ATRNL1: variants seen among roughly 807,000 people sequenced by gnomAD.
The protein encoded by ATRNL1 is attractin-like protein 1.
In ATRNL1, 95 loss-of-function variants were observed where a neutral mutation model predicts 182.7. That is an observed-to-expected ratio of 0.52 (90% CI 0.44 to 0.62). The LOEUF (loss-of-function observed/expected upper bound fraction) is 0.62, where lower values mean the gene tolerates loss of function less well. ATRNL1 is among the 20% of genes least tolerant of loss of function. ATRNL1 has a pLI of 0.00. For synonymous variants in ATRNL1, 576 were observed against 568.3 expected, an observed-to-expected ratio of 1.01 and a Z score of -0.19; for missense variants, 1,471 against 1,679.5, an observed-to-expected ratio of 0.88 and a Z score of 2.17.
intron 24 of ATRNL1, among the ~76,000 whole-genome samples, chr10:115,501,952 T>C (rs113862851): frequency 1.3e-5 from 2 of 152,126 alleles, no homozygotes; most frequent in Non-Finnish European, 2.9e-5. Flanking sequence ...TAGAGTTTTA[T>C]AGCTGATTAT....
intron 28 of ATRNL1, among the ~76,000 whole-genome samples, chr10:115,911,863 G>T (rs552653414): frequency 6.6e-6 from 1 of 152,226 alleles, no homozygotes. Context: ...CTTTTCCCAT[G>T]CACCATCCCG....
Position 115,093,838 on chromosome 10 carries a change from G to T in ATRNL1, c.88G>T (p.Gly30Trp). 1 of 1,526,010 alleles carries T rather than the reference G, an allele frequency of 6.6e-7. No individual in the cohort carries two copies. Among genetic ancestry groups the T allele is most frequent in the Non-Finnish European group, 8.8e-7 (1 of 1,140,482 alleles). 94.5% of individuals were successfully genotyped at this position (1,526,010 alleles called of 1,614,324 possible). ...WRARPAGGGG[G>W]GASSWLLDGN... The stretch of plus-strand genomic sequence containing the variant: ...GGCTCGGCCGGCGGGCGGCGGCGGC[G>T]GGGGCGCCTCCTCCTGGCTGCTGGA... Residue 30 changes from glycine (G) to tryptophan (W), a missense_variant, in exon 1 of 29, where the codon GGG becomes TGG. By Grantham distance (184) the Gly-to-Trp change is radical (BLOSUM62 -2). This residue lies in a region of ATRNL1 where 1,031 missense variants were observed against 1,156.0 expected (regional missense o/e 0.89). Transcript: ENST00000355044. The surrounding 1 kb of genome is among the most constrained non-coding windows in gnomAD (Gnocchi z 6.1).
At chr10:115,650,710 T>G (rs1345941562) in intron 26 of ATRNL1, among the ~76,000 whole-genome samples, 1 of 152,086 alleles carries the variant, frequency 6.6e-6, no homozygotes, top group African/African-American at 2.4e-5. Flanking sequence ...CCCATAAAAA[T>G]TAAATGGCAT....
chr10:115,185,685 G>C (rs1340439500), intron 8 of ATRNL1, among the ~76,000 whole-genome samples: 1 of 151,934 alleles, frequency 6.6e-6, no homozygotes, highest in Non-Finnish European at 1.5e-5. Context: ...TAAATCTGTG[G>C]GGGTGGGTAT....
chr10:115,417,447 C>T (rs1845444396), intron 20 of ATRNL1, among the ~76,000 whole-genome samples: 1 of 152,184 alleles, frequency 6.6e-6, no homozygotes, highest in Admixed American at 6.5e-5. Flanking sequence ...CCCAGGTTGT[C>T]ATCTCACAGC....
chr10:115,825,895 T>A (rs1216366958), intron 27 of ATRNL1, among the ~76,000 whole-genome samples: 1 of 152,200 alleles, frequency 6.6e-6, no homozygotes, highest in Non-Finnish European at 1.5e-5. Context: ...TCTTTCCCAC[T>A]TGAACTATTC....
chr10:115,812,636 C>A (rs1433606071), intron 27 of ATRNL1, among the ~76,000 whole-genome samples: 1 of 152,040 alleles, frequency 6.6e-6, no homozygotes, highest in Non-Finnish European at 1.5e-5. Context: ...ACCACCACAC[C>A]CAGCTAATTT....
chr10:115,769,546 T>C (rs1375220764), intron 27 of ATRNL1, among the ~76,000 whole-genome samples: 19 of 152,148 alleles, frequency 1.2e-4, no homozygotes, highest in Non-Finnish European at 1.0e-4. Flanking sequence ...TTTACCATGG[T>C]GCCTGGCACA....
At chr10:115,423,819 G>A (rs681011) in intron 20 of ATRNL1, among the ~76,000 whole-genome samples, 57,842 of 152,008 alleles carry the variant, frequency 0.38, 12,197 homozygotes, top group African/African-American at 0.57. Context: ...TGAGACTACT[G>A]GAAGAGAACA....
At position 115,739,555 on chromosome 10, in the gene ATRNL1, A is replaced by G. The variant is rs1948078615; in HGVS notation, c.3903+12200A>G. On this transcript the variant is annotated intron_variant, in intron 27 of 28. Coordinates refer to ENST00000355044, the MANE Select transcript of ATRNL1 (RefSeq NM_207303.4). ...TGCACCCAAGAACATTCCACAATCTATGAAACACAGTAGGGTAAATTTGAG... is the reference window on the plus strand; with the variant it reads ...TGCACCCAAGAACATTCCACAATCTGTGAAACACAGTAGGGTAAATTTGAG... 2.0e-5 allele frequency among the ~76,000 whole-genome samples: 3 copies of G among 152,218 alleles called. 1 individual carries two copies. The highest frequency in any genetic ancestry group is 4.1e-4 in the South Asian group (2 of 4,834).
At chr10:115,486,942 A>G (rs1849056056) in intron 24 of ATRNL1, among the ~76,000 whole-genome samples, 1 of 152,180 alleles carries the variant, frequency 6.6e-6, no homozygotes, top group Non-Finnish European at 1.5e-5. Flanking sequence ...ATCCAGTTTC[A>G]GCTTTCTGTA....
chr10:115,426,250 A>C lies in ATRNL1; in HGVS notation c.3270A>C (p.Leu1090Phe). ...TKGIKGDQCQ[L>F]CDSENRYVGN... ...TAAATGAGTTTTTGTGTTTCTGCAGATGTGACTCTGAAAATCGCTATGTTG... is the reference window on the plus strand; with the variant it reads ...TAAATGAGTTTTTGTGTTTCTGCAGCTGTGACTCTGAAAATCGCTATGTTG... The change falls in exon 21 of 29, where the codon TTA (leucine) becomes TTC (phenylalanine). Residue 1090 changes from leucine to phenylalanine, a missense_variant and splice_region_variant. By Grantham distance (22) the Leu-to-Phe change is conservative. Transcript: ENST00000355044. The C allele has an allele frequency of 6.2e-7, 1 of 1,612,338 alleles. No homozygotes were observed. Among genetic ancestry groups the C allele is most frequent in the Non-Finnish European group, 8.5e-7 (1 of 1,178,792 alleles).
At chr10:115,363,710 G>A (rs1856871122) in intron 19 of ATRNL1, among the ~76,000 whole-genome samples, 1 of 151,958 alleles carries the variant, frequency 6.6e-6, no homozygotes, top group Non-Finnish European at 1.5e-5. Flanking sequence ...GTGTAAGGAA[G>A]GGATCCAGTT....
chr10:115,870,722 G>T (rs939745176), intron 28 of ATRNL1, among the ~76,000 whole-genome samples: 1 of 152,132 alleles, frequency 6.6e-6, no homozygotes, highest in African/African-American at 2.4e-5. Context: ...CATTAAAATG[G>T]CTAAGAGCAT....
In ATRNL1 at chr10:115,315,611, A is replaced by G. The variant is rs1366343641; in HGVS notation, c.2912A>G (p.His971Arg). ...CNDPSNTGRGHCIEGSSRGPM... is the reference protein window; with the variant it reads ...CNDPSNTGRGRCIEGSSRGPM... ...GATCCTAGTAATACAGGAAGAGGACATTGCATTGAAGGTTCTTCACGGGGA... is the reference window on the plus strand; with the variant it reads ...GATCCTAGTAATACAGGAAGAGGACGTTGCATTGAAGGTTCTTCACGGGGA... Residue 971 changes from histidine to arginine, a missense_variant, in exon 18 of 29, where the codon CAT becomes CGT. His to Arg is a conservative substitution (Grantham distance 29). Transcript: ENST00000355044. 8 of 1,613,858 alleles carry G rather than the reference A, an allele frequency of 5.0e-6. No individual in the cohort carries two copies. In the African/African-American group the frequency reaches 5.3e-5, roughly 11 times the overall value.
intron 27 of ATRNL1, among the ~76,000 whole-genome samples, chr10:115,788,833 CTG>C (rs1240505812): frequency 2.0e-4 from 30 of 152,330 alleles, no homozygotes; most frequent in African/African-American, 6.0e-4. Flanking sequence ...GCCTTTCTAA[CTG>C]TGGCAAAGGG....
intron 24 of ATRNL1, among the ~76,000 whole-genome samples, chr10:115,514,760 G>C (rs1258415159): frequency 1.3e-5 from 2 of 151,856 alleles, no homozygotes; most frequent in African/African-American, 4.8e-5. Flanking sequence ...GAGTTAAATA[G>C]GGATTGCACA....
chr10:115,889,236 T>C (rs1952021551), intron 28 of ATRNL1, among the ~76,000 whole-genome samples: 1 of 152,184 alleles, frequency 6.6e-6, no homozygotes, highest in Admixed American at 6.5e-5. Flanking sequence ...TCTTAGTCCA[T>C]TACTATTTGT....
At chr10:115,460,215 A>G (rs1232530164) in intron 21 of ATRNL1, among the ~76,000 whole-genome samples, 1 of 151,982 alleles carries the variant, frequency 6.6e-6, no homozygotes, top group Non-Finnish European at 1.5e-5. Context: ...TTTCAATCCT[A>G]TGTAATTTCT....
Sources: allele counts gnomAD v4.1 joint callset (sites outside exome capture counted in the v4.1 genomes callset), GRCh38; gene constraint gnomAD v4.1.1; regional missense constraint gnomAD v4.1.1; non-coding constraint Gnocchi (gnomAD v3.1); transcripts MANE v1.5; gene names NCBI Gene and HGNC (gene_info 2026-07-23, HGNC 2026-07-21).